MYO3B: variants seen among roughly 807,000 people sequenced by gnomAD.
The protein encoded by MYO3B is myosin-IIIb.
A neutral mutation model predicts 174.6 loss-of-function variants in MYO3B; 156 were observed. The observed-to-expected ratio is 0.89, with a 90% CI of 0.78 to 1.02. MYO3B has a LOEUF of 1.02. MYO3B is among the 50% of genes least tolerant of loss of function. MYO3B has a pLI of 0.00. For synonymous variants in MYO3B, 563 were observed against 569.1 expected (o/e 0.99, Z 0.15); for missense variants, 1,632 against 1,639.4 (o/e 1.00, Z 0.08).
intron 22 of MYO3B, among the ~76,000 whole-genome samples, chr2:170,433,962 G>C (rs1574972529): frequency 1.3e-5 from 2 of 152,146 alleles, no homozygotes; most frequent in East Asian, 3.8e-4. Flanking sequence ...CCCATTTATT[G>C]ATATTAACGT....
At chr2:170,391,906 G>C (rs1342029468) in intron 15 of MYO3B, among the ~76,000 whole-genome samples, 3 of 151,994 alleles carry the variant, frequency 2.0e-5, no homozygotes, top group African/African-American at 7.2e-5. Context: ...TGTAATCCCA[G>C]TGCTTTGGCA....
intron 32 of MYO3B, among the ~76,000 whole-genome samples, chr2:170,621,109 G>A (rs761892886): frequency 3.3e-5 from 5 of 151,946 alleles, no homozygotes; most frequent in Non-Finnish European, 5.9e-5. Context: ...GGCTGGTCTC[G>A]AACTCCTGAC....
intron 30 of MYO3B, among the ~76,000 whole-genome samples, chr2:170,531,221 G>T (rs1473728822): frequency 6.6e-6 from 1 of 152,138 alleles, no homozygotes; most frequent in Non-Finnish European, 1.5e-5. Flanking sequence ...GTTTCCAAAT[G>T]CCCCATTTGT....
intron 14 of MYO3B, among the ~76,000 whole-genome samples, chr2:170,391,010 G>T (rs1007019931): frequency 7.2e-5 from 11 of 152,084 alleles, no homozygotes; most frequent in Non-Finnish European, 1.0e-4. Context: ...GATGGCAGGA[G>T]ACCAGACTAA....
At chr2:170,261,173 A>G (rs564401356) in intron 7 of MYO3B, among the ~76,000 whole-genome samples, 1 of 152,000 alleles carries the variant, frequency 6.6e-6, no homozygotes. Context: ...ACAGGCATGC[A>G]CCACCACGCC....
intron 7 of MYO3B, among the ~76,000 whole-genome samples, chr2:170,322,135 G>T (rs1553596165): frequency 1.4e-5 from 2 of 145,350 alleles, no homozygotes; most frequent in Non-Finnish European, 3.0e-5. Context: ...AAAAAAAAGA[G>T]TAGCAGCACT....
chr2:170,196,181 A>G (rs1326110595), intron 1 of MYO3B, among the ~76,000 whole-genome samples: 3 of 152,184 alleles, frequency 2.0e-5, no homozygotes, highest in Non-Finnish European at 2.9e-5. Context: ...ATTTTAGAAT[A>G]GAGCCTGATT....
chr2:170,214,491 C>A lies in MYO3B; in HGVS notation c.426+8C>A. On this transcript the variant is annotated splice_region_variant and intron_variant, in intron 4 of 34. Coordinates refer to ENST00000408978, the MANE Select transcript of MYO3B (RefSeq NM_138995.5). ...TTGTACGGGGCCCTCTTGGTAAGAA[C>A]ATCTATCAAATGGGGTATGACAGCA... is the stretch of plus-strand genomic sequence containing the variant. The A allele has an allele frequency of 6.2e-7, 1 of 1,612,064 alleles. No homozygotes were observed. Among genetic ancestry groups the A allele is most frequent in the Non-Finnish European group, 8.5e-7 (1 of 1,178,156 alleles).
chr2:170,588,265 C>G (rs897121598), intron 32 of MYO3B, among the ~76,000 whole-genome samples: 5 of 151,592 alleles, frequency 3.3e-5, no homozygotes, highest in African/African-American at 1.2e-4. Flanking sequence ...GACTTCATCT[C>G]TATACAAAAA....
At chr2:170,449,135 A>G (rs1683434500) in intron 23 of MYO3B, among the ~76,000 whole-genome samples, 1 of 152,194 alleles carries the variant, frequency 6.6e-6, no homozygotes, top group South Asian at 2.1e-4. Context: ...AGAAAGTGAC[A>G]TTCTTTATTT....
chr2:170,214,632 A>G, intron 4 of MYO3B, 97 bp from the exon 5 acceptor site: 2 of 1,338,826 alleles, frequency 1.5e-6, no homozygotes, highest in Non-Finnish European at 2.1e-6. Flanking sequence ...GTAGACTTTC[A>G]TGAGACTTTT....
intron 7 of MYO3B, among the ~76,000 whole-genome samples, chr2:170,328,074 G>T (rs887297365): frequency 4.6e-5 from 7 of 151,782 alleles, no homozygotes; most frequent in African/African-American, 1.5e-4. Context: ...GCTAAGTGTT[G>T]TATTTTTAGT....
chr2:170,420,508 G>A (rs946064076), intron 22 of MYO3B, among the ~76,000 whole-genome samples: 1 of 152,156 alleles, frequency 6.6e-6, no homozygotes, highest in Non-Finnish European at 1.5e-5. Flanking sequence ...ACTAGCTGGG[G>A]ATTTCTTCCA....
intron 3 of MYO3B, among the ~76,000 whole-genome samples, chr2:170,207,346 T>C (rs1033367561): frequency 3.3e-5 from 5 of 151,928 alleles, no homozygotes; most frequent in African/African-American, 1.2e-4. Flanking sequence ...TTTGATGTCA[T>C]GAAGGTGAGA....
intron 30 of MYO3B, among the ~76,000 whole-genome samples, chr2:170,541,785 TA>T (rs1472968748): frequency 6.6e-6 from 1 of 152,184 alleles, no homozygotes; most frequent in Non-Finnish European, 1.5e-5. Context: ...GTCCCTGACT[TA>T]ATGTAGCTTA....
At chr2:170,192,998 T>G (rs151153197) in intron 1 of MYO3B, among the ~76,000 whole-genome samples, 108 of 152,010 alleles carry the variant, frequency 7.1e-4, no homozygotes, top group African/African-American at 2.5e-3. Flanking sequence ...GAAAATAAGT[T>G]TTATGTTAAA....
At chr2:170,536,797 G>A (rs972020512) in intron 30 of MYO3B, among the ~76,000 whole-genome samples, 4 of 152,110 alleles carry the variant, frequency 2.6e-5, no homozygotes, top group Admixed American at 2.6e-4. Context: ...CTGAAGATGT[G>A]TATGTTTTCT....
At chr2:170,365,926 CA>C (rs2094194835) in intron 8 of MYO3B, among the ~76,000 whole-genome samples, 1 of 152,164 alleles carries the variant, frequency 6.6e-6, no homozygotes, top group Non-Finnish European at 1.5e-5. Flanking sequence ...CTGTGAGGAA[CA>C]TCTGAGCTCT....
intron 1 of MYO3B, among the ~76,000 whole-genome samples, chr2:170,197,472 G>A (rs886574063): frequency 7.9e-5 from 12 of 152,188 alleles, no homozygotes; most frequent in Non-Finnish European, 1.3e-4. Flanking sequence ...TGATTCTTGG[G>A]ATCTTCTCTC....
Sources: allele counts gnomAD v4.1 joint callset (sites outside exome capture counted in the v4.1 genomes callset), GRCh38; gene constraint gnomAD v4.1.1; transcripts MANE v1.5; gene names NCBI Gene and HGNC (gene_info 2026-07-23, HGNC 2026-07-21).